SPIDR: variants seen among roughly 807,000 people sequenced by gnomAD.
SPIDR encodes DNA repair-scaffolding protein.
A neutral mutation model predicts 104.6 loss-of-function variants in SPIDR; 93 were observed. The ratio of observed to expected loss-of-function variants is 0.89; its 90% CI spans 0.75 to 1.06. The LOEUF is 1.06. Among genes scored for constraint, SPIDR ranks in the 50% least tolerant of loss-of-function variants. The probability of loss-of-function intolerance (pLI) is 0.00; values close to 1 mark genes in which losing one functional copy is unlikely to be tolerated. For synonymous variants in SPIDR, 431 were observed against 416.9 expected (o/e 1.03, Z -0.41); for missense variants, 1,154 against 1,111.2 (o/e 1.04, Z -0.55).
chr8:47,493,438 C>T (rs2154367937), intron 8 of SPIDR, among the ~76,000 whole-genome samples: 1 of 152,206 alleles, frequency 6.6e-6, no homozygotes, highest in Admixed American at 6.5e-5. Flanking sequence ...TGTGGGACTC[C>T]AAAAATAGGA....
chr8:47,481,556 G>A (rs1029334024), intron 8 of SPIDR, among the ~76,000 whole-genome samples: 6 of 152,146 alleles, frequency 3.9e-5, no homozygotes, highest in African/African-American at 7.2e-5. Flanking sequence ...CAGGAGAATC[G>A]CCTGAACCTG....
chr8:47,652,656 A>C (rs2071881465), intron 10 of SPIDR, among the ~76,000 whole-genome samples: 1 of 152,226 alleles, frequency 6.6e-6, no homozygotes, highest in African/African-American at 2.4e-5. Flanking sequence ...TGTTTCTAAA[A>C]CAGGTTTTCT....
chr8:47,526,028 G>A (rs1223154676), intron 8 of SPIDR, among the ~76,000 whole-genome samples: 1 of 152,124 alleles, frequency 6.6e-6, no homozygotes, highest in Non-Finnish European at 1.5e-5. Context: ...GAATCCAGAA[G>A]CATATAGTGG....
intron 4 of SPIDR, 84 bp from the exon 5 acceptor site, chr8:47,293,783 A>C (rs2040360173): frequency 1.5e-6 from 2 of 1,354,180 alleles, no homozygotes; most frequent in African/African-American, 3.0e-5. Context: ...AGTGACATGG[A>C]TATATTAACT....
chr8:47,370,485 C>T (rs572269846), intron 5 of SPIDR, among the ~76,000 whole-genome samples: 7 of 125,294 alleles, frequency 5.6e-5, no homozygotes, highest in Admixed American at 3.1e-4. Flanking sequence ...TTTGCGCTGT[C>T]GCCCAGGCTG....
intron 5 of SPIDR, among the ~76,000 whole-genome samples, chr8:47,314,816 A>C (rs1402991168): frequency 1.3e-5 from 2 of 152,192 alleles, no homozygotes; most frequent in Non-Finnish European, 2.9e-5. Flanking sequence ...CTTAATTGAA[A>C]ATAGATTAAG....
chr8:47,735,099 TGTGTGTGTGTGG>T (rs1285718502), intron 19 of SPIDR, among the ~76,000 whole-genome samples, 196 bp from the exon 20 acceptor site: 8 of 144,162 alleles, frequency 5.5e-5, no homozygotes, highest in Admixed American at 3.5e-4. Context: ...TGTGTGGGTG[TGTGTGTGTGTGG>T]GTGTGTGTGT....
At chr8:47,336,969 G>A (rs1234885803) in intron 5 of SPIDR, among the ~76,000 whole-genome samples, 3 of 152,162 alleles carry the variant, frequency 2.0e-5, no homozygotes, top group African/African-American at 7.2e-5. Context: ...AGCATTCTAA[G>A]TGGGTGTGGA....
chr8:47,464,811 C>G (rs2074512565), intron 8 of SPIDR, among the ~76,000 whole-genome samples: 1 of 152,098 alleles, frequency 6.6e-6, no homozygotes, highest in Non-Finnish European at 1.5e-5. Context: ...CTCTGTCACC[C>G]AGGCAGGAGT....
chr8:47,491,091 C>T (rs1004205253), intron 8 of SPIDR, among the ~76,000 whole-genome samples: 3 of 152,096 alleles, frequency 2.0e-5, no homozygotes, highest in Non-Finnish European at 2.9e-5. Flanking sequence ...CCTCACATTT[C>T]GTGGTACTTC....
intron 5 of SPIDR, among the ~76,000 whole-genome samples, chr8:47,393,958 G>A (rs2060945932): frequency 6.6e-6 from 1 of 151,548 alleles, no homozygotes; most frequent in South Asian, 2.1e-4. Flanking sequence ...AGGCTGGAGT[G>A]CAGTGGTGTG....
At chr8:47,365,532 C>A (rs535353444) in intron 5 of SPIDR, among the ~76,000 whole-genome samples, 6 of 152,240 alleles carry the variant, frequency 3.9e-5, no homozygotes. Context: ...GTTTAGCTGT[C>A]CTCTCTAGGC....
intron 8 of SPIDR, among the ~76,000 whole-genome samples, chr8:47,530,017 G>A (rs2085684328): frequency 6.6e-6 from 1 of 152,150 alleles, no homozygotes; most frequent in Non-Finnish European, 1.5e-5. Flanking sequence ...TCATCATTAT[G>A]CAGACATCAT....
At chr8:47,643,175 C>T (rs1282215942) in intron 10 of SPIDR, among the ~76,000 whole-genome samples, 3 of 152,022 alleles carry the variant, frequency 2.0e-5, no homozygotes, top group Non-Finnish European at 2.9e-5. Context: ...ACTTACACAA[C>T]TGTGGGATGC....
rs894225385 is a variant in SPIDR at position 47,735,502 on chromosome 8, G to A, written c.*52G>A. The A allele has an allele frequency of 3.7e-6, 6 of 1,613,236 alleles. No homozygotes were observed. Among genetic ancestry groups the A allele is most frequent in the Non-Finnish European group, 5.1e-6 (6 of 1,179,750 alleles). On this transcript the variant is annotated 3_prime_UTR_variant, in exon 20 of 20. Transcript: ENST00000297423. ...GCAATGTGGCTGCAAGGGTGGTGGT[G>A]GTGGTGGTGATTTGGGGTAGTTATT...
intron 5 of SPIDR, among the ~76,000 whole-genome samples, chr8:47,312,880 T>C (rs1386867710): frequency 6.6e-6 from 1 of 152,210 alleles, no homozygotes; most frequent in Non-Finnish European, 1.5e-5. Flanking sequence ...CTTTAATCCA[T>C]CTTGAATTAA....
chr8:47,591,090 G>A (rs954301992), intron 8 of SPIDR, among the ~76,000 whole-genome samples: 1 of 151,706 alleles, frequency 6.6e-6, no homozygotes, highest in African/African-American at 2.4e-5. Context: ...AATTTACTCT[G>A]CCAATCTCTG....
chr8:47,339,234 A>C (rs2050290294), intron 5 of SPIDR, among the ~76,000 whole-genome samples: 1 of 152,200 alleles, frequency 6.6e-6, no homozygotes, highest in African/African-American at 2.4e-5. Context: ...CAAACTGAAA[A>C]TGTTCTAGGT....
intron 5 of SPIDR, among the ~76,000 whole-genome samples, chr8:47,350,319 G>A (rs904236041): frequency 6.6e-5 from 10 of 152,098 alleles, no homozygotes; most frequent in African/African-American, 1.2e-4. Context: ...TATAATTTAT[G>A]TGTCATAAAT....
Sources: gnomAD v4.1 joint callset for allele counts (sites outside exome capture counted in the v4.1 genomes callset) on GRCh38, gnomAD v4.1.1 for gene constraint, MANE v1.5 for transcripts, NCBI Gene and HGNC (gene_info 2026-07-23, HGNC 2026-07-21) for gene names.